The following NKAIN3 variants were observed in gnomAD, a reference collection of about 807,000 sequenced individuals.
NKAIN3 encodes the protein sodium/potassium transporting ATPase interacting 3.
Under a neutral mutation model 30.2 loss-of-function variants are expected in NKAIN3, and 25 were observed. The ratio of observed to expected loss-of-function variants is 0.83; its 90% confidence interval spans 0.60 to 1.16. The LOEUF is 1.16. NKAIN3 is among the 50% of genes most tolerant of loss of function. The pLI is 0.00. For missense variants in NKAIN3, 225 were observed against 254.1 expected (o/e 0.89, Z 0.78); for synonymous variants, 91 against 89.6 (o/e 1.02, Z -0.09).
intron 1 of NKAIN3, among the ~76,000 whole-genome samples, chr8:62,447,846 A>C (rs961645308): frequency 6.6e-6 from 1 of 152,026 alleles, no homozygotes; most frequent in Non-Finnish European, 1.5e-5. Flanking sequence ...GAAAGAACCA[A>C]GCCCCAACAA....
intron 4 of NKAIN3, among the ~76,000 whole-genome samples, chr8:62,776,626 T>C (rs927199324): frequency 2.0e-5 from 3 of 152,214 alleles, no homozygotes; most frequent in African/African-American, 4.8e-5. Context: ...TTAAAGTTTT[T>C]ATAGTTTCTA....
At chr8:62,945,719 A>G (rs1364659420) in intron 5 of NKAIN3, among the ~76,000 whole-genome samples, 2 of 152,178 alleles carry the variant, frequency 1.3e-5, no homozygotes, top group East Asian at 3.9e-4. Flanking sequence ...CAGTTTGAAG[A>G]CCACTGGTCT....
intron 3 of NKAIN3, among the ~76,000 whole-genome samples, chr8:62,709,012 G>A (rs1814630329): frequency 6.6e-6 from 1 of 152,054 alleles, no homozygotes; most frequent in African/African-American, 2.4e-5. Flanking sequence ...CTGTTTACAT[G>A]GTGTATCCTG....
intron 1 of NKAIN3, among the ~76,000 whole-genome samples, chr8:62,331,052 ACCT>A (rs1815334496): frequency 8.7e-6 from 1 of 114,788 alleles, no homozygotes; most frequent in Non-Finnish European, 1.8e-5. Context: ...CTCCTCTTCT[ACCT>A]CCTCCTCCTC....
chr8:62,868,872 G>A (rs1230954906), intron 4 of NKAIN3, among the ~76,000 whole-genome samples: 1 of 152,138 alleles, frequency 6.6e-6, no homozygotes, highest in African/African-American at 2.4e-5. Flanking sequence ...TCTACAGCAG[G>A]ATGAAGACTT....
intron 1 of NKAIN3, among the ~76,000 whole-genome samples, chr8:62,340,701 A>G (rs73684956): frequency 0.039 from 5,954 of 152,032 alleles, 424 homozygotes; most frequent in African/African-American, 0.14. Flanking sequence ...AAACTGACAT[A>G]ATAGGATTCC....
chr8:62,613,370 A>AG (rs1200395193), intron 3 of NKAIN3, among the ~76,000 whole-genome samples: 2 of 152,128 alleles, frequency 1.3e-5, no homozygotes, highest in Admixed American at 1.3e-4. Flanking sequence ...TAAGGTTTTC[A>AG]CTGAAAAGTC....
chr8:62,963,720 T>A (rs1348314612), intron 6 of NKAIN3, among the ~76,000 whole-genome samples: 5 of 152,142 alleles, frequency 3.3e-5, no homozygotes. Context: ...ACATTGAGAT[T>A]CAGAATGTAG....
chr8:62,854,518 T>C (rs1474580918), intron 4 of NKAIN3, among the ~76,000 whole-genome samples: 1 of 152,184 alleles, frequency 6.6e-6, no homozygotes, highest in Non-Finnish European at 1.5e-5. Context: ...GGATTGCAAC[T>C]CCTGCTTTCT....
At chr8:62,407,105 GA>G (rs1804094835) in intron 1 of NKAIN3, among the ~76,000 whole-genome samples, 1 of 151,722 alleles carries the variant, frequency 6.6e-6, no homozygotes, top group Non-Finnish European at 1.5e-5. Flanking sequence ...AATTTTAATT[GA>G]CTTTCCAAAT....
Position 62,345,450 on chromosome 8 carries a change from C to CATATGTATATATACACAT in NKAIN3, c.54+96328_54+96345dup, listed in dbSNP as rs1563942590. Among the ~76,000 whole-genome samples, 46 of 78,026 alleles carry CATATGTATATATACACAT rather than the reference C, an allele frequency of 5.9e-4. 2 individuals carry two copies. The highest frequency in any genetic ancestry group is 2.8e-3 in the African/African-American group (44 of 15,918). The allele number at this position is 78,026 out of a possible 152,430, so 51.2% of individuals were successfully genotyped here. On this transcript the variant is annotated intron_variant, in intron 1 of 6. Transcript: ENST00000623646. ...ATACACATATATGTATATATACACA[C>CATATGTATATATACACAT]ATATGTATATATACACATATATACA...
intron 1 of NKAIN3, among the ~76,000 whole-genome samples, chr8:62,370,965 G>C (rs1563368889): frequency 6.6e-6 from 1 of 151,964 alleles, no homozygotes; most frequent in Non-Finnish European, 1.5e-5. Context: ...TTTCAAGACT[G>C]TCTGTAGTAA....
In NKAIN3 at chr8:62,529,248, T is replaced by G. The variant is rs545936504; in HGVS notation, c.55-50291T>G. On this transcript the variant is annotated intron_variant, in intron 1 of 6. Coordinates refer to ENST00000623646, the MANE Select transcript of NKAIN3 (RefSeq NM_001304533.3). ...AGGATAACTTGACATTTCTTTAATT[T>G]AAAAGGCAAAAAGTTACTCTAACCC... Among the ~76,000 whole-genome samples the G allele has an allele frequency of 2.6e-5, 4 of 152,296 alleles. No individual in the cohort carries two copies. The South Asian group carries it at 6.2e-4, about 24-fold the overall frequency.
intron 4 of NKAIN3, among the ~76,000 whole-genome samples, chr8:62,776,360 T>C (rs1221217258): frequency 1.3e-5 from 2 of 152,118 alleles, no homozygotes; most frequent in Admixed American, 1.3e-4. Flanking sequence ...CTTCTCTTTC[T>C]TCTTCCTTCC....
chr8:62,780,953 G>A (rs1305851405), intron 4 of NKAIN3, among the ~76,000 whole-genome samples: 2 of 151,930 alleles, frequency 1.3e-5, no homozygotes, highest in Non-Finnish European at 2.9e-5. Flanking sequence ...TAAGACAAGA[G>A]AAAGAAAGAA....
intron 3 of NKAIN3, among the ~76,000 whole-genome samples, chr8:62,686,954 A>T (rs1236345065): frequency 1.3e-5 from 2 of 152,218 alleles, no homozygotes; most frequent in African/African-American, 4.8e-5. Flanking sequence ...TAGAATAGGA[A>T]GGTAACAAAT....
At chr8:62,765,252 AAAAAAAAAAAAAAAG>A (rs1041859244) in intron 4 of NKAIN3, among the ~76,000 whole-genome samples, 1 of 144,998 alleles carries the variant, frequency 6.9e-6, no homozygotes, top group African/African-American at 2.5e-5. Context: ...ATCTCAAAAA[AAAAAAAAAAAAAAAG>A]AAAAGAAAAG....
chr8:62,445,473 T>C (rs534240750), intron 1 of NKAIN3, among the ~76,000 whole-genome samples: 2 of 152,286 alleles, frequency 1.3e-5, no homozygotes, highest in African/African-American at 4.8e-5. Flanking sequence ...GCCCACACAA[T>C]AAATGCTGGG....
intron 1 of NKAIN3, among the ~76,000 whole-genome samples, chr8:62,529,367 A>T (rs980287839): frequency 2.6e-5 from 4 of 152,266 alleles, no homozygotes; most frequent in Admixed American, 6.5e-5. Flanking sequence ...TTGTTATTGA[A>T]TGAATCTTTT....
Sources: allele counts gnomAD v4.1 joint callset (sites outside exome capture counted in the v4.1 genomes callset), GRCh38; gene constraint gnomAD v4.1.1; transcripts MANE v1.5; gene names NCBI Gene and HGNC (gene_info 2026-07-23, HGNC 2026-07-21).